Variants in LOXHD1 observed in about 807,000 individuals in gnomAD.
LOXHD1 encodes the protein lipoxygenase homology PLAT domains 1, also known as lipoxygenase homology domain-containing protein 1.
LOXHD1 carries 205 observed loss-of-function variants against 248.2 expected under a neutral mutation model. The observed-to-expected ratio is 0.83, with a 90% CI of 0.74 to 0.93. The LOEUF is 0.93. LOXHD1 is among the 40% of genes least tolerant of loss of function. The pLI, the probability that LOXHD1 is intolerant of heterozygous loss-of-function variation, is 0.00. For missense variants in LOXHD1, 2,930 were observed against 2,971.6 expected (o/e 0.99, Z 0.33); for synonymous variants, 1,113 against 1,162.8 (o/e 0.96, Z 0.87).
intron 18 of LOXHD1, 113 bp downstream of exon 18, chr18:46,562,952 G>C: frequency 7.8e-7 from 1 of 1,275,584 alleles, no homozygotes; most frequent in Non-Finnish European, 1.1e-6. Context: ...CCAACTGGAG[G>C]GAGGCAGCCC....
intron 6 of LOXHD1, among the ~76,000 whole-genome samples, chr18:46,605,588 C>T (rs529436746): frequency 6.6e-6 from 1 of 152,244 alleles, no homozygotes; most frequent in East Asian, 1.9e-4. Context: ...ATGCAACCAA[C>T]TGGTATCAAA....
chr18:46,534,043 G>T (rs1214181614), intron 27 of LOXHD1, among the ~76,000 whole-genome samples: 1 of 152,282 alleles, frequency 6.6e-6, no homozygotes, highest in African/African-American at 2.4e-5. Context: ...TATGTGAGTT[G>T]ACCTTGAGTT....
Position 46,560,433 on chromosome 18 carries a change from C to G in LOXHD1, c.2711G>C (p.Arg904Pro). Reference protein sequence around the residue: ...DTVWLRHLVVREVDLTPEEEA... With the variant: ...DTVWLRHLVVPEVDLTPEEEA... Reference sequence around the variant, plus strand: ...CTCCTCCGGCGTGAGGTCCACCTCCCGCACCACCAGGTGCCGCAGCCACAC... The same window carrying G: ...CTCCTCCGGCGTGAGGTCCACCTCCGGCACCACCAGGTGCCGCAGCCACAC... The change falls in exon 19 of 41, where the codon CGG becomes CCG. Residue 904 changes from arginine to proline, a missense_variant. By Grantham distance (103) the Arg-to-Pro change is moderately radical. Coordinates refer to ENST00000642948, the MANE Select transcript of LOXHD1 (RefSeq NM_001384474.1). The G allele has an allele frequency of 2.6e-6, 4 of 1,545,988 alleles. No homozygotes were observed. The highest frequency in any genetic ancestry group is 3.5e-6 in the Non-Finnish European group (4 of 1,147,102).
chr18:46,600,830 T>C (rs928391425), intron 8 of LOXHD1, among the ~76,000 whole-genome samples: 3 of 152,256 alleles, frequency 2.0e-5, no homozygotes, highest in Admixed American at 6.5e-5. Context: ...ACATTCCTTA[T>C]GTCTTACAGT....
In LOXHD1 at chr18:46,610,800, G is replaced by A. The variant is rs1437812350; in HGVS notation, c.735C>T (p.Gly245=). 6.4e-7 allele frequency: 1 copy of A among 1,551,442 alleles called. No individual in the cohort carries two copies. The highest frequency in any genetic ancestry group is 8.7e-7 in the Non-Finnish European group (1 of 1,146,944). ...KINVGHNNKG[G]SAGWFLSQIV... ...CCTGGGACAGGAACCAACCTGCAGAGCCCCCCTTATTGTTGTGGCCAACAT... is the reference window on the plus strand; with the variant it reads ...CCTGGGACAGGAACCAACCTGCAGAACCCCCCTTATTGTTGTGGCCAACAT... Residue 245 remains glycine (G), a synonymous_variant, in exon 6 of 41, where the codon GGC becomes GGT. Coordinates refer to ENST00000642948, the MANE Select transcript of LOXHD1 (RefSeq NM_001384474.1).
intron 12 of LOXHD1, among the ~76,000 whole-genome samples, chr18:46,588,010 G>C (rs956483768): frequency 1.3e-5 from 2 of 152,008 alleles, no homozygotes; most frequent in African/African-American, 4.8e-5. Flanking sequence ...ATTTTAAATT[G>C]GTATTTACTC....
At chr18:46,499,145 A>G (rs1778875649) in intron 37 of LOXHD1, among the ~76,000 whole-genome samples, 1 of 152,256 alleles carries the variant, frequency 6.6e-6, no homozygotes, top group Non-Finnish European at 1.5e-5. Flanking sequence ...AAGTCTGCCA[A>G]TTATGACTGG....
In LOXHD1 at chr18:46,527,778, G is replaced by A. The variant is rs141680821; in HGVS notation, c.4530+1399C>T. On this transcript the variant is annotated intron_variant, in intron 29 of 40. Transcript: ENST00000642948. ...GTGGAACATGAATGTGTGTGTTTTA[G>A]ATTATTTCTTCCTGGTACAACATGC... Among the ~76,000 whole-genome samples, 9 of 152,344 alleles carry A rather than the reference G, an allele frequency of 5.9e-5. No homozygotes were observed. The East Asian group carries it at 1.7e-3, about 29-fold the overall frequency.
Position 46,656,907 on chromosome 18 carries a change from T to C in LOXHD1, c.127A>G (p.Arg43Gly). 1 of 1,551,488 alleles carries C rather than the reference T, an allele frequency of 6.4e-7. No individual in the cohort carries two copies. The highest frequency in any genetic ancestry group is 2.4e-5 in the East Asian group (1 of 40,898). The change falls in exon 1 of 41, where the codon AGA becomes GGA. Residue 43 changes from arginine (R) to glycine (G), a missense_variant. Transcript: ENST00000642948. ...CCCGCAGGCTGGGACCCCGCACCTC[T>C]GGCCTTGTAGTACTCGTGTTCCAGC... ...GELEHEYYKA[R>G]VYEVVTATGD...
intron 28 of LOXHD1, among the ~76,000 whole-genome samples, chr18:46,532,259 A>G (rs1340736848): frequency 2.0e-5 from 3 of 152,172 alleles, no homozygotes; most frequent in East Asian, 1.9e-4. Flanking sequence ...TTTGCAAATG[A>G]ATTTGACTTT....
chr18:46,631,904 C>T (rs2038829227), intron 4 of LOXHD1, among the ~76,000 whole-genome samples: 1 of 152,212 alleles, frequency 6.6e-6, no homozygotes, highest in Non-Finnish European at 1.5e-5. Flanking sequence ...GCCTCAGTTC[C>T]ACTTCCAACG....
At chr18:46,523,657 T>C (rs1377760909) in intron 31 of LOXHD1, among the ~76,000 whole-genome samples, 1 of 152,302 alleles carries the variant, frequency 6.6e-6, no homozygotes, top group East Asian at 1.9e-4. Flanking sequence ...CAATCTGTAT[T>C]TCTTTGAAAA....
intron 33 of LOXHD1, among the ~76,000 whole-genome samples, chr18:46,519,697 G>A (rs2035469198): frequency 6.6e-6 from 1 of 152,190 alleles, no homozygotes; most frequent in Non-Finnish European, 1.5e-5. Context: ...CTGCCCCATG[G>A]AGACTGGCCC....
chr18:46,557,567 AC>A, intron 20 of LOXHD1, 78 bp from the exon 21 acceptor site: 1 of 1,526,954 alleles, frequency 6.5e-7, no homozygotes, highest in Admixed American at 2.0e-5. Context: ...CCTCCCAAGA[AC>A]CAGGGCAGCC....
Position 46,524,734 on chromosome 18 carries a change from G to A in LOXHD1, c.4714C>T (p.Arg1572Ter), listed in dbSNP as rs75949023. Reference protein sequence around the residue: ...RWLSLKKEDGRLERLFYEKEY... With the variant: ...RWLSLKKEDG The stretch of plus-strand genomic sequence containing the variant: ...TTCTCGTAAAAGAGCCTCTCGAGTC[G>A]CCCATCCTCCTTCTTCAGGGAGAGC... Residue 1572 changes from arginine to a stop codon, truncating the protein, a stop_gained, in exon 30 of 41, where the codon CGA becomes TGA. Coordinates refer to ENST00000642948, the MANE Select transcript of LOXHD1 (RefSeq NM_001384474.1). LOFTEE classifies it high-confidence loss of function. 6.8e-5 allele frequency: 105 copies of A among 1,551,548 alleles called. 1 individual carries two copies. Among genetic ancestry groups the A allele is most frequent in the Non-Finnish European group, 2.8e-5 (32 of 1,147,004 alleles).
chr18:46,511,904 G>A lies in LOXHD1; in HGVS notation c.5400-2089C>T, dbSNP rs12969378. 2.5e-3 allele frequency among the ~76,000 whole-genome samples: 382 copies of A among 152,292 alleles called. 2 individuals carry two copies. Among genetic ancestry groups the A allele is most frequent in the Non-Finnish European group, 4.3e-3 (292 of 68,030 alleles). On this transcript the variant is annotated intron_variant, in intron 34 of 40. Coordinates refer to ENST00000642948, the MANE Select transcript of LOXHD1 (RefSeq NM_001384474.1). Reference sequence around the variant, plus strand: ...CCATATCCAAGGCCATTGAGCCTATGCTTGAAATCACCTTTGAAAAAATTA... The same window carrying A: ...CCATATCCAAGGCCATTGAGCCTATACTTGAAATCACCTTTGAAAAAATTA...
intron 8 of LOXHD1, among the ~76,000 whole-genome samples, chr18:46,597,917 C>A (rs2038281895): frequency 7.6e-6 from 1 of 131,956 alleles, no homozygotes; most frequent in Admixed American, 7.9e-5. Context: ...CCACACCTGG[C>A]TAATTTTTTG....
intron 38 of LOXHD1, among the ~76,000 whole-genome samples, chr18:46,487,053 G>C (rs577984063): frequency 6.6e-6 from 1 of 152,270 alleles, no homozygotes; most frequent in African/African-American, 2.4e-5. Context: ...AATATTCAGG[G>C]CAGGTAAACG....
intron 15 of LOXHD1, among the ~76,000 whole-genome samples, chr18:46,571,788 T>C (rs552175580): frequency 5.3e-5 from 8 of 152,336 alleles, no homozygotes; most frequent in South Asian, 2.1e-4. Context: ...AATATTTCTC[T>C]TCTTAAGGCC....
Sources: gnomAD v4.1 joint callset for allele counts (sites outside exome capture counted in the v4.1 genomes callset) on GRCh38, gnomAD v4.1.1 for gene constraint, MANE v1.5 for transcripts, NCBI Gene and HGNC (gene_info 2026-07-23, HGNC 2026-07-21) for gene names.